The following OSBPL3 variants were observed in gnomAD, a reference collection of about 807,000 sequenced individuals.
The protein encoded by OSBPL3 is oxysterol binding protein like 3.
In OSBPL3, 65 loss-of-function variants were observed where a neutral mutation model predicts 120.1. That is an observed-to-expected ratio of 0.54 (90% CI 0.44 to 0.67). The LOEUF is 0.67. Ranked by LOEUF, OSBPL3 falls within the 30% of genes least tolerant of loss-of-function variation. The pLI is 0.00. For missense variants in OSBPL3, 1,004 were observed against 1,082.1 expected (o/e 0.93, Z 1.01); for synonymous variants, 416 against 402.6 (o/e 1.03, Z -0.40).
intron 20 of OSBPL3, among the ~76,000 whole-genome samples, chr7:24,807,860 A>G (rs1216421201): frequency 3.3e-5 from 5 of 152,168 alleles, no homozygotes; most frequent in African/African-American, 9.7e-5. Context: ...CTCTTCACAC[A>G]TAACAAGAGA....
chr7:24,817,883 C>G lies in OSBPL3; in HGVS notation c.1949-1195G>C, dbSNP rs1794660808. ...AACAATGTCAGATTTCTCTAACTTG[C>G]AATGAATGGTGGTACCAACAGAGAA... On this transcript the variant is annotated intron_variant, in intron 17 of 22. Coordinates refer to ENST00000313367, the MANE Select transcript of OSBPL3 (RefSeq NM_015550.4). This position sits in a 1 kb window ranked among gnomAD's most constrained non-coding sequence, Gnocchi z 4.0. 6.6e-6 allele frequency among the ~76,000 whole-genome samples: 1 copy of G among 152,120 alleles called. No individual in the cohort carries two copies. Among genetic ancestry groups the G allele is most frequent in the African/African-American group, 2.4e-5 (1 of 41,414 alleles).
intron 1 of OSBPL3, among the ~76,000 whole-genome samples, chr7:24,908,425 G>A (rs557850163): frequency 2.6e-5 from 4 of 152,172 alleles, no homozygotes; most frequent in Middle Eastern, 3.4e-3. Flanking sequence ...AGAAGAAAGC[G>A]CCCTCCATAG....
In OSBPL3 at chr7:24,824,276, A is replaced by G. The variant is rs1795441085; in HGVS notation, c.1885-4038T>C. 6.6e-6 allele frequency among the ~76,000 whole-genome samples: 1 copy of G among 152,216 alleles called. No homozygotes were observed. The highest frequency in any genetic ancestry group is 2.4e-5 in the African/African-American group (1 of 41,464). ...TTCTGGTAATTTATAATTTATTTAT[A>G]TATCTGAGGCCTTTCTTTACCTTGA... On this transcript the variant is annotated intron_variant, in intron 16 of 22. Coordinates refer to ENST00000313367, the MANE Select transcript of OSBPL3 (RefSeq NM_015550.4). The surrounding 1 kb of genome is among the most constrained non-coding windows in gnomAD (Gnocchi z 4.9).
rs1428397937 is a variant in OSBPL3, at chr7:24,800,021, A to G, written c.*162T>C. The stretch of plus-strand genomic sequence containing the variant: ...ATCAGGGTAACATTTGAAATTGTAA[A>G]GAAACGCACTGAGGAAAATATAGAC... On this transcript the variant is annotated 3_prime_UTR_variant, in exon 23 of 23. Transcript: ENST00000313367. The G allele has an allele frequency of 9.8e-6, 4 of 409,076 alleles. No individual in the cohort carries two copies. The East Asian group carries it at 1.1e-4, about 11-fold the overall frequency. 25.3% of individuals were successfully genotyped at this position (409,076 alleles called of 1,614,324 possible).
At chr7:24,927,222 G>A (rs890813855) in intron 1 of OSBPL3, among the ~76,000 whole-genome samples, 3 of 152,198 alleles carry the variant, frequency 2.0e-5, no homozygotes, top group Admixed American at 6.5e-5. Flanking sequence ...GAAGCCAGCA[G>A]GGGAATTGAC....
intron 1 of OSBPL3, among the ~76,000 whole-genome samples, chr7:24,915,643 G>A (rs1347820621): frequency 6.7e-6 from 1 of 149,532 alleles, no homozygotes; most frequent in Non-Finnish European, 1.5e-5. Context: ...GTACAATCTT[G>A]GCTCACTGCA....
Position 24,867,816 on chromosome 7 carries a change from G to A in OSBPL3, c.382-1579C>T, listed in dbSNP as rs748696544. 2.0e-5 allele frequency among the ~76,000 whole-genome samples: 3 copies of A among 152,106 alleles called. No individual in the cohort carries two copies. The highest frequency in any genetic ancestry group is 4.4e-5 in the Non-Finnish European group (3 of 68,012). ...ACTCTCAGAAATAAAGCACTATACA[G>A]CAATAGTATTATTTTTCTAACTTTT... is the stretch of plus-strand genomic sequence containing the variant. On this transcript the variant is annotated intron_variant, in intron 5 of 22. Transcript: ENST00000313367. The surrounding 1 kb of genome is among the most constrained non-coding windows in gnomAD (Gnocchi z 4.5).
At chr7:24,866,261 A>C (rs775712906) in intron 5 of OSBPL3, 24 bp from the exon 6 acceptor site, 6 of 1,527,124 alleles carry the variant, frequency 3.9e-6, no homozygotes, top group African/African-American at 1.4e-5. Flanking sequence ...GATTGAAAAA[A>C]GGAAACAAGA....
chr7:24,979,715 A>C (rs1235254563), intron 1 of OSBPL3, among the ~76,000 whole-genome samples, 171 bp downstream of exon 1: 1 of 151,960 alleles, frequency 6.6e-6, no homozygotes, highest in Non-Finnish European at 1.5e-5. Flanking sequence ...CCGGCACCCA[A>C]GCTCCCAGGC....
rs967866180 is a variant in OSBPL3, at chr7:24,955,858, A to T, written c.-150+24028T>A. 6.6e-6 allele frequency among the ~76,000 whole-genome samples: 1 copy of T among 152,240 alleles called. No homozygotes were observed. Among genetic ancestry groups the T allele is most frequent in the African/African-American group, 2.4e-5 (1 of 41,462 alleles). The stretch of plus-strand genomic sequence containing the variant: ...GAATGAATGTTTTTTAAAAACATAC[A>T]ATCATTGAGCTTCTTCAGCACAGCC... On this transcript the variant is annotated intron_variant, in intron 1 of 22. Coordinates refer to ENST00000313367, the MANE Select transcript of OSBPL3 (RefSeq NM_015550.4). The surrounding 1 kb of genome is among the most constrained non-coding windows in gnomAD (Gnocchi z 4.3).
At chr7:24,956,753 A>G (rs546774835) in intron 1 of OSBPL3, among the ~76,000 whole-genome samples, 28 of 152,152 alleles carry the variant, frequency 1.8e-4, no homozygotes, top group African/African-American at 6.8e-4. Flanking sequence ...TTATTTTTCA[A>G]TGGAGATATA....
intron 1 of OSBPL3, among the ~76,000 whole-genome samples, chr7:24,960,161 CAA>C (rs1475606782): frequency 3.9e-5 from 6 of 152,068 alleles, no homozygotes; most frequent in African/African-American, 1.2e-4. Context: ...GCACAACAGA[CAA>C]AGAGAGTGTG....
chr7:24,912,513 G>T lies in OSBPL3; in HGVS notation c.-149-19892C>A, dbSNP rs1314988794. On this transcript the variant is annotated intron_variant, in intron 1 of 22. Transcript: ENST00000313367. This position sits in a 1 kb window ranked among gnomAD's most constrained non-coding sequence, Gnocchi z 4.5. ...TCTGTGCTTACCGTTTTTCATCAAA[G>T]AACTCTGAGTACTATGCAAAAGGCA... 6.6e-6 allele frequency among the ~76,000 whole-genome samples: 1 copy of T among 152,076 alleles called. No homozygotes were observed. Among genetic ancestry groups the T allele is most frequent in the Non-Finnish European group, 1.5e-5 (1 of 68,002 alleles).
chr7:24,916,584 T>A lies in OSBPL3; in HGVS notation c.-149-23963A>T, dbSNP rs1809571564. On this transcript the variant is annotated intron_variant, in intron 1 of 22. Transcript: ENST00000313367. This position sits in a 1 kb window ranked among gnomAD's most constrained non-coding sequence, Gnocchi z 4.9. ...CCCAACACTCCCCAACCTCAGATTC[T>A]GACTCATATACCTCCATCAGTCTTC... Among the ~76,000 whole-genome samples, 1 of 152,122 alleles carries A rather than the reference T, an allele frequency of 6.6e-6. No individual in the cohort carries two copies. Among genetic ancestry groups the A allele is most frequent in the South Asian group, 2.1e-4 (1 of 4,820 alleles).
intron 16 of OSBPL3, among the ~76,000 whole-genome samples, chr7:24,829,057 C>A (rs781482361): frequency 2.4e-4 from 36 of 152,168 alleles, no homozygotes; most frequent in African/African-American, 8.0e-4. Context: ...TGGCCCTGTC[C>A]CACCAGGGCT....
In OSBPL3 at chr7:24,831,518, G is replaced by A. The variant is rs185886871; in HGVS notation, c.1747-613C>T. On this transcript the variant is annotated intron_variant, in intron 15 of 22. Transcript: ENST00000313367. The surrounding 1 kb of genome is among the most constrained non-coding windows in gnomAD (Gnocchi z 4.0). Reference sequence around the variant, plus strand: ...CAAAAAAAAAATTAAAATAAAGAGAGGAAGGAAGAAAAACTTTACGTGAAC... The same window carrying A: ...CAAAAAAAAAATTAAAATAAAGAGAAGAAGGAAGAAAAACTTTACGTGAAC... 3.4e-4 allele frequency among the ~76,000 whole-genome samples: 52 copies of A among 152,234 alleles called. No homozygotes were observed. Among genetic ancestry groups the A allele is most frequent in the African/African-American group, 1.1e-3 (47 of 41,540 alleles).
intron 10 of OSBPL3, among the ~76,000 whole-genome samples, chr7:24,860,466 G>C (rs1800372142): frequency 6.6e-6 from 1 of 152,162 alleles, no homozygotes; most frequent in Non-Finnish European, 1.5e-5. Flanking sequence ...CATGAGATCT[G>C]ATGGTTTTAT....
Position 24,809,907 on chromosome 7 carries a change from C to T in OSBPL3, c.2217G>A (p.Val739=), listed in dbSNP as rs376471011. ...GAACCGCTTTTCCACTCCTGTCAAACACTGTGCCTTCAATCTCATGGGCAT... is the reference window on the plus strand; with the variant it reads ...GAACCGCTTTTCCACTCCTGTCAAATACTGTGCCTTCAATCTCATGGGCAT... ...STNAHEIEGT[V]FDRSGKAVHR... is the part of the protein sequence containing the mutation. The change falls in exon 20 of 23, where the codon GTG becomes GTA. Residue 739 remains valine (V), a synonymous_variant. Transcript: ENST00000313367. 6.2e-7 allele frequency: 1 copy of T among 1,614,168 alleles called. No homozygotes were observed. The highest frequency in any genetic ancestry group is 8.5e-7 in the Non-Finnish European group (1 of 1,180,012).
chr7:24,901,021 G>GA (rs11395096), intron 1 of OSBPL3, among the ~76,000 whole-genome samples: 47,744 of 128,312 alleles, frequency 0.37, 8,498 homozygotes, highest in South Asian at 0.53. Flanking sequence ...ACCTTGTCTC[G>GA]AAAAAAAAAA....
Sources: allele counts gnomAD v4.1 joint callset (sites outside exome capture counted in the v4.1 genomes callset), GRCh38; gene constraint gnomAD v4.1.1; non-coding constraint Gnocchi (gnomAD v3.1); transcripts MANE v1.5; gene names NCBI Gene and HGNC (gene_info 2026-07-23, HGNC 2026-07-21).